Variants in RPRD2 observed in about 807,000 individuals in gnomAD.
RPRD2 encodes regulation of nuclear pre-mRNA domain containing 2.
A neutral mutation model predicts 104.4 loss-of-function variants in RPRD2; 12 were observed. That is an observed-to-expected ratio of 0.11 (90% CI 0.07 to 0.19). The LOEUF (loss-of-function observed/expected upper bound fraction) is 0.19. Ranked by LOEUF, RPRD2 falls within the 10% of genes least tolerant of loss-of-function variation. RPRD2 has a pLI of 1.00. For synonymous variants in RPRD2, 714 were observed against 684.9 expected (o/e 1.04, Z -0.66); for missense variants, 1,543 against 1,790.1 (o/e 0.86, Z 2.49).
intron 1 of RPRD2, among the ~76,000 whole-genome samples, chr1:150,378,918 GT>G (rs1660915312): frequency 6.8e-6 from 1 of 147,648 alleles, no homozygotes; most frequent in South Asian, 2.2e-4. Flanking sequence ...GGAGGTGGAA[GT>G]TGCAGTGAGC....
intron 1 of RPRD2, among the ~76,000 whole-genome samples, chr1:150,397,433 A>C (rs1662612955): frequency 6.6e-6 from 1 of 152,184 alleles, no homozygotes; most frequent in Non-Finnish European, 1.5e-5. Context: ...ACCACAATTA[A>C]CATATAGAAC....
chr1:150,397,220 T>G (rs1341294916), intron 1 of RPRD2, among the ~76,000 whole-genome samples: 7 of 152,176 alleles, frequency 4.6e-5, no homozygotes, highest in African/African-American at 1.7e-4. Context: ...ATGATCCACC[T>G]GCCTCGGCCT....
intron 2 of RPRD2, among the ~76,000 whole-genome samples, chr1:150,431,503 G>A (rs894515556): frequency 7.8e-5 from 4 of 51,550 alleles, no homozygotes; most frequent in South Asian, 7.3e-4. Flanking sequence ...TTTTTGAGAC[G>A]GGGTTTTGTC....
At chr1:150,453,086 G>A (rs1221228613) in intron 7 of RPRD2, among the ~76,000 whole-genome samples, 9 of 150,016 alleles carry the variant, frequency 6.0e-5, no homozygotes, top group African/African-American at 9.8e-5. Context: ...AGGCTGGAGC[G>A]CGGTGGCACA....
chr1:150,414,118 T>G (rs1214258331), intron 1 of RPRD2, among the ~76,000 whole-genome samples: 1 of 151,902 alleles, frequency 6.6e-6, no homozygotes, highest in African/African-American at 2.4e-5. Flanking sequence ...CCTCGGAGAC[T>G]TTGAAGTGGA....
Position 150,457,282 on chromosome 1 carries a change from T to C in RPRD2, c.871-6T>C. 6.2e-7 allele frequency: 1 copy of C among 1,610,130 alleles called. No homozygotes were observed. The highest frequency in any genetic ancestry group is 8.5e-7 in the Non-Finnish European group (1 of 1,177,516). On this transcript the variant is annotated splice_region_variant and splice_polypyrimidine_tract_variant and intron_variant, in intron 7 of 10. Transcript: ENST00000369068. The stretch of plus-strand genomic sequence containing the variant: ...CCAAGGAGTAAACTCCTTTTTTCTC[T>C]TTTAGGCATATAAAACCTTTGCTAA...
At chr1:150,461,343 A>G (rs17596326) in intron 9 of RPRD2, among the ~76,000 whole-genome samples, 47,409 of 152,046 alleles carry the variant, frequency 0.31, 8,445 homozygotes, top group Non-Finnish European at 0.4. Context: ...AATGTTTTGG[A>G]GAATTAAATA....
At chr1:150,371,142 G>A (rs587744085) in intron 1 of RPRD2, among the ~76,000 whole-genome samples, 3 of 152,256 alleles carry the variant, frequency 2.0e-5, no homozygotes, top group East Asian at 1.9e-4. Flanking sequence ...TACGGTTAAT[G>A]TATGCCAATG....
At chr1:150,415,770 C>T (rs1382702432) in intron 1 of RPRD2, among the ~76,000 whole-genome samples, 1 of 152,110 alleles carries the variant, frequency 6.6e-6, no homozygotes, top group African/African-American at 2.4e-5. Context: ...GGAAACAGTA[C>T]GTAGTGGAAG....
intron 2 of RPRD2, among the ~76,000 whole-genome samples, chr1:150,425,308 TCTGAA>T: frequency 6.6e-6 from 1 of 152,280 alleles, no homozygotes; most frequent in South Asian, 2.1e-4. Context: ...CAAGGCATAC[TCTGAA>T]AACCTTTAAA....
intron 1 of RPRD2, among the ~76,000 whole-genome samples, chr1:150,387,913 C>CTTTTTTTTTTTTTTTTTTTTTTTT (rs34188350): frequency 1.1e-5 from 1 of 94,602 alleles, no homozygotes; most frequent in Non-Finnish European, 2.0e-5. Context: ...TTTCTTTTCT[C>CTTTTTTTTTTTTTTTTTTTTTTTT]TTTTTTTTTT....
rs1022623542 is a variant in RPRD2, at chr1:150,476,106, C to T, written c.*2772C>T. The T allele has an allele frequency of 1.3e-5, 2 of 152,164 alleles. No individual in the cohort carries two copies. The highest frequency in any genetic ancestry group is 4.8e-5 in the African/African-American group (2 of 41,422). The allele number at this position is 152,164 out of a possible 1,614,324, so 9.4% of individuals were successfully genotyped here. A position where few individuals can be genotyped will look rare whatever the true frequency, so the allele number is the denominator to read the frequency against. On this transcript the variant is annotated 3_prime_UTR_variant, in exon 11 of 11. Transcript: ENST00000369068. ...GTCAGCTTAGATGAGAGCTCTCTCCCTGCTCCCCTCTACCCTCTCAAAAGT... is the reference window on the plus strand; with the variant it reads ...GTCAGCTTAGATGAGAGCTCTCTCCTTGCTCCCCTCTACCCTCTCAAAAGT...
At chr1:150,396,876 A>C (rs1362583069) in intron 1 of RPRD2, among the ~76,000 whole-genome samples, 1 of 152,246 alleles carries the variant, frequency 6.6e-6, no homozygotes, top group Non-Finnish European at 1.5e-5. Flanking sequence ...AATGTAGGGA[A>C]AGAATTCTCA....
chr1:150,417,793 A>ATGGG, intron 2 of RPRD2, 68 bp downstream of exon 2: 6 of 1,234,142 alleles, frequency 4.9e-6, no homozygotes, highest in African/African-American at 1.5e-5. Flanking sequence ...TTCTTAACCC[A>ATGGG]TTAAGAACTG....
At chr1:150,377,623 A>G (rs1378869368) in intron 1 of RPRD2, among the ~76,000 whole-genome samples, 2 of 151,918 alleles carry the variant, frequency 1.3e-5, no homozygotes, top group Non-Finnish European at 2.9e-5. Context: ...ACATTTAGTA[A>G]GTAAGATAGG....
Position 150,437,499 on chromosome 1 carries a change from CAT to C in RPRD2, c.336-3421_336-3420del, listed in dbSNP as rs587656011. ...AGCTATAAAGTATTTTTTTAACTAA[CAT>C]ATGGATATTGTTTTTAATACATAAT... On this transcript the variant is annotated intron_variant, in intron 2 of 10. Coordinates refer to ENST00000369068, the MANE Select transcript of RPRD2 (RefSeq NM_015203.5). 3.1e-4 allele frequency among the ~76,000 whole-genome samples: 47 copies of C among 152,262 alleles called. 2 individuals are homozygous for C. In the South Asian group the frequency reaches 8.9e-3, roughly 29 times the overall value.
In RPRD2 at chr1:150,444,246, T is replaced by C; in HGVS notation, c.568-5T>C. Reference sequence around the variant, plus strand: ...AAATGAAATATGACTCTGGTCTGTGTTTAGTCTCAGGCCCTAATTGAAGAG... The same window carrying C: ...AAATGAAATATGACTCTGGTCTGTGCTTAGTCTCAGGCCCTAATTGAAGAG... On this transcript the variant is annotated splice_region_variant and splice_polypyrimidine_tract_variant and intron_variant, in intron 5 of 10. Coordinates refer to ENST00000369068, the MANE Select transcript of RPRD2 (RefSeq NM_015203.5). 1 of 1,612,072 alleles carries C rather than the reference T, an allele frequency of 6.2e-7. No individual in the cohort carries two copies. Among genetic ancestry groups the C allele is most frequent in the South Asian group, 1.1e-5 (1 of 90,824 alleles).
chr1:150,449,795 G>A (rs73019020), intron 7 of RPRD2, among the ~76,000 whole-genome samples: 7,218 of 152,066 alleles, frequency 0.047, 432 homozygotes, highest in African/African-American at 0.13. Flanking sequence ...AAATGGCTTC[G>A]TGTTTTTTAT....
chr1:150,425,787 T>C (rs1216200867), intron 2 of RPRD2, among the ~76,000 whole-genome samples: 2 of 152,108 alleles, frequency 1.3e-5, no homozygotes, highest in South Asian at 4.1e-4. Context: ...ATCATATAAA[T>C]CTACTTGGAG....
Sources: allele counts gnomAD v4.1 joint callset (sites outside exome capture counted in the v4.1 genomes callset), GRCh38; gene constraint gnomAD v4.1.1; transcripts MANE v1.5; gene names NCBI Gene and HGNC (gene_info 2026-07-23, HGNC 2026-07-21).